CTCF: variants seen among roughly 807,000 people sequenced by gnomAD.
CTCF encodes the protein CCCTC-binding factor.
Under a neutral mutation model 72.3 loss-of-function variants are expected in CTCF, and 7 were observed. That is an observed-to-expected ratio of 0.10 (90% CI 0.06 to 0.18). CTCF has a LOEUF of 0.18. Among genes scored for constraint, CTCF ranks in the 10% least tolerant of loss-of-function variants. The pLI is 1.00. For missense variants in CTCF, 516 were observed against 949.1 expected (o/e 0.54, Z 6.00); for synonymous variants, 374 against 315.8 (o/e 1.18, Z -1.95).
intron 1 of CTCF, among the ~76,000 whole-genome samples, chr16:67,566,247 T>C (rs918861036): frequency 2.6e-5 from 4 of 152,076 alleles, no homozygotes; most frequent in Non-Finnish European, 4.4e-5. Context: ...CTCACACCTG[T>C]AATCCCAGCA....
At chr16:67,635,143 T>C (rs2052412961) in intron 10 of CTCF, among the ~76,000 whole-genome samples, 1 of 152,022 alleles carries the variant, frequency 6.6e-6, no homozygotes, top group Non-Finnish European at 1.5e-5. Flanking sequence ...TGCCTCAGCC[T>C]CCCGAGTAGC....
At chr16:67,609,434 T>C (rs530277588) in intron 2 of CTCF, among the ~76,000 whole-genome samples, 2 of 152,316 alleles carry the variant, frequency 1.3e-5, no homozygotes, top group Admixed American at 6.5e-5. Flanking sequence ...AGTAATTCTT[T>C]AATATCATCA....
chr16:67,620,944 T>C, intron 6 of CTCF, 127 bp downstream of exon 6: 2 of 685,082 alleles, frequency 2.9e-6, no homozygotes, highest in East Asian at 6.1e-5. Context: ...AGTATGGAAT[T>C]GATAATGCTT....
chr16:67,589,825 A>G (rs959618647), intron 2 of CTCF, among the ~76,000 whole-genome samples: 1 of 152,160 alleles, frequency 6.6e-6, no homozygotes, highest in East Asian at 1.9e-4. Context: ...GGTGGCTCAC[A>G]CCTGTAATAC....
At chr16:67,629,636 C>G (rs1195560248) in intron 10 of CTCF, 103 bp downstream of exon 10, 4 of 1,118,516 alleles carry the variant, frequency 3.6e-6, no homozygotes, top group Non-Finnish European at 4.9e-6. Flanking sequence ...CGGGCACACA[C>G]TCTTCCTTTC....
intron 2 of CTCF, among the ~76,000 whole-genome samples, chr16:67,592,433 C>T (rs2051757400): frequency 6.6e-6 from 1 of 151,470 alleles, no homozygotes; most frequent in Non-Finnish European, 1.5e-5. Flanking sequence ...AGGCCAGGCA[C>T]AGTGGCTCAT....
intron 2 of CTCF, among the ~76,000 whole-genome samples, chr16:67,599,744 C>T (rs1170070488): frequency 6.6e-6 from 1 of 152,164 alleles, no homozygotes; most frequent in African/African-American, 2.4e-5. Flanking sequence ...ATACCACAGT[C>T]CGGACGACTA....
intron 2 of CTCF, among the ~76,000 whole-genome samples, chr16:67,607,923 G>A (rs1202431891): frequency 2.0e-5 from 3 of 150,208 alleles, no homozygotes; most frequent in African/African-American, 7.5e-5. Flanking sequence ...GGAGGCTGAA[G>A]CAGGAGAATC....
chr16:67,638,566 G>A lies in CTCF; in HGVS notation c.*694G>A. ...AGTGTGTAAATGTTGACAAGGAATT[G>A]GATCACAATCATGTAGCAGAATGGC... is the stretch of plus-strand genomic sequence containing the variant. On this transcript the variant is annotated 3_prime_UTR_variant, in exon 12 of 12. Transcript: ENST00000264010. 4.3e-6 allele frequency: 1 copy of A among 231,122 alleles called. No homozygotes were observed. The highest frequency in any genetic ancestry group is 8.6e-6 in the Non-Finnish European group (1 of 116,370). The allele number at this position is 231,122 out of a possible 1,614,324, so 14.3% of individuals were successfully genotyped here.
intron 2 of CTCF, among the ~76,000 whole-genome samples, chr16:67,585,499 C>G (rs1230153535): frequency 6.6e-6 from 1 of 152,228 alleles, no homozygotes; most frequent in Non-Finnish European, 1.5e-5. Context: ...TTTGAGCTTA[C>G]TCATCTTCTT....
intron 1 of CTCF, 98 bp from the exon 2 acceptor site, chr16:67,571,050 A>G (rs574862508): frequency 1.3e-5 from 2 of 151,894 alleles, no homozygotes; most frequent in East Asian, 1.9e-4. Context: ...TTCTTTCCCA[A>G]TTTTTTCTGT....
rs113396156 is a variant in CTCF, at chr16:67,584,032, T to C, written c.-10+12768T>C. ...GACTGCAAAGCCAGAGAACCACTCT[T>C]TGCTTCATGCTTGTGTGCAGCCTCA... On this transcript the variant is annotated intron_variant, in intron 2 of 11. Transcript: ENST00000264010. Among the ~76,000 whole-genome samples, 501 of 134,190 alleles carry C rather than the reference T, an allele frequency of 3.7e-3. 1 individual carries two copies. The highest frequency in any genetic ancestry group is 0.016 in the Middle Eastern group (4 of 258). 88.0% of individuals were successfully genotyped at this position (134,190 alleles called of 152,430 possible).
chr16:67,625,808 C>G (rs183155147), intron 7 of CTCF, among the ~76,000 whole-genome samples: 2 of 123,902 alleles, frequency 1.6e-5, no homozygotes, highest in Admixed American at 1.8e-4. Flanking sequence ...TCCCCTATGC[C>G]CCCCCACCCC....
intron 4 of CTCF, chr16:67,615,158 G>A (rs1322367626): frequency 6.6e-6 from 1 of 152,234 alleles, no homozygotes; most frequent in Non-Finnish European, 1.5e-5. Flanking sequence ...AAAAGAGGAT[G>A]GGCCTTGAGT....
intron 4 of CTCF, chr16:67,616,525 GA>G: frequency 2.0e-6 from 1 of 510,414 alleles, no homozygotes; most frequent in South Asian, 3.0e-5. Context: ...GTAATTAAGA[GA>G]AACTAATTTG....
rs896948459 is a variant in CTCF, at chr16:67,638,350, T to A, written c.*478T>A. The A allele has an allele frequency of 3.5e-5, 8 of 226,878 alleles. No individual in the cohort carries two copies. Among genetic ancestry groups the A allele is most frequent in the African/African-American group, 1.6e-4 (7 of 44,914 alleles). The allele number at this position is 226,878 out of a possible 1,614,324, so 14.1% of individuals were successfully genotyped here. ...TGGAGTCAGCTGCACACCAGTAGTA[T>A]GGCATGCTACGATCAGGTTCTGTCC... is the stretch of plus-strand genomic sequence containing the variant. On this transcript the variant is annotated 3_prime_UTR_variant, in exon 12 of 12. Transcript: ENST00000264010.
At chr16:67,636,968 A>C in intron 11 of CTCF, 117 bp downstream of exon 11, 1 of 962,686 alleles carries the variant, frequency 1.0e-6, no homozygotes, top group Non-Finnish European at 1.5e-6. Context: ...AGTTAAGGGC[A>C]TGTCGAGAAC....
At chr16:67,625,820 C>A (rs1232474862) in intron 7 of CTCF, among the ~76,000 whole-genome samples, 1 of 148,098 alleles carries the variant, frequency 6.8e-6, no homozygotes, top group Non-Finnish European at 1.5e-5. Context: ...CCCCACCCCC[C>A]GACCCTGAAA....
At chr16:67,631,150 G>GTTTTTTTTTTTTTTTTTTTTTTT (rs1472086135) in intron 10 of CTCF, among the ~76,000 whole-genome samples, 1 of 132,534 alleles carries the variant, frequency 7.5e-6, no homozygotes, top group African/African-American at 3.2e-5. Flanking sequence ...TTTGTTCTTT[G>GTTTTTTTTTTTTTTTTTTTTTTT]TTTGTTTTTT....
Sources: gnomAD v4.1 joint callset for allele counts (sites outside exome capture counted in the v4.1 genomes callset) on GRCh38, gnomAD v4.1.1 for gene constraint, MANE v1.5 for transcripts, NCBI Gene and HGNC (gene_info 2026-07-23, HGNC 2026-07-21) for gene names.